Variants in ANK3 observed in about 807,000 individuals in gnomAD.
ANK3 encodes ankyrin-3.
Under a neutral mutation model 370.9 loss-of-function variants are expected in ANK3, and 57 were observed. That is an observed-to-expected ratio of 0.15 (90% CI 0.12 to 0.19). ANK3 has a LOEUF of 0.19. ANK3 is among the 10% of genes least tolerant of loss of function. The probability of loss-of-function intolerance (pLI) is 1.00; values close to 1 mark genes in which losing one functional copy is unlikely to be tolerated. For missense variants in ANK3, 4,439 were observed against 5,302.1 expected, an observed-to-expected ratio of 0.84 and a Z score of 5.06; for synonymous variants, 1,929 against 1,946.3, an observed-to-expected ratio of 0.99 and a Z score of 0.23.
intron 16 of ANK3, among the ~76,000 whole-genome samples, chr10:60,195,747 C>T (rs965432794): frequency 2.6e-5 from 4 of 152,202 alleles, no homozygotes; most frequent in African/African-American, 9.7e-5. Context: ...TAAAACCTCT[C>T]AACCTATTTT....
intron 1 of ANK3, among the ~76,000 whole-genome samples, chr10:60,652,467 A>G (rs1564491693): frequency 1.3e-5 from 2 of 152,050 alleles, no homozygotes; most frequent in African/African-American, 4.8e-5. Flanking sequence ...AGAACTTGAA[A>G]AAGGTCTTAT....
intron 1 of ANK3, among the ~76,000 whole-genome samples, chr10:60,659,511 C>T (rs2078909269): frequency 6.6e-6 from 1 of 152,084 alleles, no homozygotes; most frequent in East Asian, 1.9e-4. Flanking sequence ...CTTATCACCT[C>T]TCTGCTTATG....
At position 60,415,420 on chromosome 10, in the gene ANK3, T is replaced by G. The variant is rs530719552; in HGVS notation, c.97-135781A>C. 5.9e-5 allele frequency among the ~76,000 whole-genome samples: 9 copies of G among 152,270 alleles called. No homozygotes were observed. In the South Asian group the frequency reaches 1.7e-3, roughly 28 times the overall value. ...CTCTTAAATGACCAGCGGGAACTAC[T>G]GCCAGATGACATCAGTGGTCGTCCC... On this transcript the variant is annotated intron_variant, in intron 2 of 43. Transcript: ENST00000373827.
At chr10:60,295,156 C>T (rs2042234182) in intron 1 of ANK3, among the ~76,000 whole-genome samples, 1 of 152,170 alleles carries the variant, frequency 6.6e-6, no homozygotes, top group Non-Finnish European at 1.5e-5. Context: ...GCAGATAGAT[C>T]TAGACTAATA....
At chr10:60,521,983 C>T (rs546647003) in intron 2 of ANK3, among the ~76,000 whole-genome samples, 13 of 152,086 alleles carry the variant, frequency 8.5e-5, no homozygotes, top group African/African-American at 3.1e-4. Context: ...GGTAGCATTG[C>T]TGCCATTAAG....
intron 2 of ANK3, among the ~76,000 whole-genome samples, chr10:60,479,675 AG>A: frequency 6.6e-6 from 1 of 152,192 alleles, no homozygotes; most frequent in Admixed American, 6.5e-5. Flanking sequence ...AACACCGAGA[AG>A]TGGAGACACT....
intron 2 of ANK3, among the ~76,000 whole-genome samples, chr10:60,573,236 T>C (rs1214192807): frequency 2.0e-5 from 3 of 151,946 alleles, no homozygotes; most frequent in Non-Finnish European, 2.9e-5. Flanking sequence ...CTTTTTTTTT[T>C]AATGTGACAT....
In ANK3 at chr10:60,613,759, C is replaced by CAA. The variant is rs5785459; in HGVS notation, c.96+1425_96+1426dup. ...ACTCAGTCCTTTCACTGAACAAAAA[C>CAA]AAAAAAAAAAATCATTTTAGGAAGA... is the stretch of plus-strand genomic sequence containing the variant. On this transcript the variant is annotated intron_variant, in intron 2 of 43. Transcript: ENST00000373827. 2.4e-3 allele frequency among the ~76,000 whole-genome samples: 356 copies of CAA among 148,404 alleles called. 1 individual carries two copies. Among genetic ancestry groups the CAA allele is most frequent in the African/African-American group, 7.3e-3 (298 of 40,558 alleles).
rs536593924 is a variant in ANK3 at position 60,257,639 on chromosome 10, C to T, written c.798+4220G>A. On this transcript the variant is annotated intron_variant, in intron 7 of 43. Coordinates refer to ENST00000280772, the MANE Select transcript of ANK3 (RefSeq NM_020987.5). ...ACTCTATTATCCATGCTTCCCTTTCCACTATATATATCAAAGCTTTTAAGG... is the reference window on the plus strand; with the variant it reads ...ACTCTATTATCCATGCTTCCCTTTCTACTATATATATCAAAGCTTTTAAGG... 3.9e-5 allele frequency among the ~76,000 whole-genome samples: 6 copies of T among 152,078 alleles called. No homozygotes were observed. The East Asian group carries it at 1.2e-3, about 29-fold the overall frequency.
chr10:60,263,216 G>A (rs542740000), intron 6 of ANK3, among the ~76,000 whole-genome samples: 2 of 152,180 alleles, frequency 1.3e-5, no homozygotes, highest in Non-Finnish European at 2.9e-5. Flanking sequence ...TTGGTGATAT[G>A]GATTGCAGAA....
chr10:60,087,612 A>G (rs1471610791), intron 29 of ANK3, among the ~76,000 whole-genome samples: 1 of 152,244 alleles, frequency 6.6e-6, no homozygotes, highest in African/African-American at 2.4e-5. Flanking sequence ...AATAACATCT[A>G]TTAAGTTACT....
Position 60,157,604 on chromosome 10 carries a change from C to T in ANK3, c.2614+8987G>A, listed in dbSNP as rs192396187. On this transcript the variant is annotated intron_variant, in intron 23 of 43. Transcript: ENST00000280772. The stretch of plus-strand genomic sequence containing the variant: ...GCAGAATTTTATCAGATAAATTTAA[C>T]AGAGATTAAAATAATTTTTAAAAGT... 2.1e-3 allele frequency among the ~76,000 whole-genome samples: 324 copies of T among 151,864 alleles called. 1 individual carries two copies. The highest frequency in any genetic ancestry group is 3.6e-3 in the Non-Finnish European group (242 of 67,948).
intron 2 of ANK3, among the ~76,000 whole-genome samples, chr10:60,445,020 A>G (rs1244773671): frequency 6.6e-6 from 1 of 152,224 alleles, no homozygotes; most frequent in African/African-American, 2.4e-5. Flanking sequence ...TTTGAGAGAG[A>G]GTTTTATCCT....
intron 2 of ANK3, among the ~76,000 whole-genome samples, chr10:60,600,811 C>T (rs2133304817): frequency 6.6e-6 from 1 of 152,160 alleles, no homozygotes; most frequent in African/African-American, 2.4e-5. Context: ...ATTTAGTTAC[C>T]TGGATCAAAT....
chr10:60,481,195 T>G (rs2075205777), intron 2 of ANK3, among the ~76,000 whole-genome samples: 1 of 152,198 alleles, frequency 6.6e-6, no homozygotes, highest in South Asian at 2.1e-4. Flanking sequence ...TGTCAAACAG[T>G]AGCAAGGAGT....
intron 2 of ANK3, among the ~76,000 whole-genome samples, chr10:60,494,837 G>C (rs1201310499): frequency 6.6e-6 from 1 of 152,034 alleles, no homozygotes; most frequent in African/African-American, 2.4e-5. Flanking sequence ...ATGGTATATC[G>C]ATGTAAATAT....
Position 60,055,948 on chromosome 10 carries a change from G to A in ANK3, c.12775C>T (p.Pro4259Ser). The change falls in exon 42 of 44, where the codon CCA becomes TCA. Residue 4259 changes from proline to serine, a missense_variant. By Grantham distance (74) the Pro-to-Ser change is moderately conservative. Coordinates refer to ENST00000280772, the MANE Select transcript of ANK3 (RefSeq NM_020987.5). Reference protein sequence around the residue: ...EANGSHTEITPEAKTKSYFPE... With the variant: ...EANGSHTEITSEAKTKSYFPE... ...AAGTAAGATTTTGTCTTTGCTTCTG[G>A]AGTGATTTCTGTATGGCTTCCATTT... 6.2e-7 allele frequency: 1 copy of A among 1,614,080 alleles called. No individual in the cohort carries two copies. Among genetic ancestry groups the A allele is most frequent in the South Asian group, 1.1e-5 (1 of 91,064 alleles).
intron 23 of ANK3, chr10:60,140,499 C>G: frequency 5.2e-6 from 8 of 1,545,042 alleles, no homozygotes; most frequent in Non-Finnish European, 7.0e-6. Context: ...TTCACCACCG[C>G]TGAATTCCTC....
chr10:60,532,137 A>T (rs2076619291), intron 2 of ANK3, among the ~76,000 whole-genome samples: 1 of 152,184 alleles, frequency 6.6e-6, no homozygotes, highest in East Asian at 1.9e-4. Context: ...TCTAAAATCA[A>T]AATGGGCTGT....
Sources: allele counts gnomAD v4.1 joint callset (sites outside exome capture counted in the v4.1 genomes callset), GRCh38; gene constraint gnomAD v4.1.1; transcripts MANE v1.5; gene names NCBI Gene and HGNC (gene_info 2026-07-23, HGNC 2026-07-21).